Variants in GPC5 observed in about 807,000 individuals in gnomAD.
GPC5 encodes the protein glypican-5.
Under a neutral mutation model 53.9 loss-of-function variants are expected in GPC5, and 47 were observed. The ratio of observed to expected loss-of-function variants is 0.87; its 90% CI spans 0.69 to 1.11. The LOEUF (loss-of-function observed/expected upper bound fraction) is 1.11. GPC5 is among the 50% of genes most tolerant of loss of function. The probability of loss-of-function intolerance (pLI) is 0.00; values close to 1 mark genes in which losing one functional copy is unlikely to be tolerated. For missense variants in GPC5, 748 were observed against 713.1 expected, an observed-to-expected ratio of 1.05 and a Z score of -0.56; for synonymous variants, 286 against 263.3, an observed-to-expected ratio of 1.09 and a Z score of -0.84.
intron 7 of GPC5, chr13:92,447,212 C>G (rs1566594506): frequency 1.3e-5 from 2 of 152,036 alleles, no homozygotes; most frequent in Non-Finnish European, 1.5e-5. Context: ...TTTGCCTAGT[C>G]CAGTGTCCTG....
intron 1 of GPC5, among the ~76,000 whole-genome samples, chr13:91,448,277 A>G (rs1880939935): frequency 6.6e-6 from 1 of 152,228 alleles, no homozygotes; most frequent in African/African-American, 2.4e-5. Context: ...CCTACTTCAC[A>G]AGCAGCACGA....
intron 2 of GPC5, among the ~76,000 whole-genome samples, chr13:91,684,331 A>G (rs1464316947): frequency 6.6e-6 from 1 of 152,168 alleles, no homozygotes; most frequent in Non-Finnish European, 1.5e-5. Context: ...CTAATTGTAT[A>G]CTGATACATT....
At chr13:92,116,938 AGTT>A (rs1223512143) in intron 6 of GPC5, among the ~76,000 whole-genome samples, 54 of 152,190 alleles carry the variant, frequency 3.5e-4, no homozygotes, top group Admixed American at 3.4e-3. Context: ...TTCGGAATAC[AGTT>A]TCTTTATCAG....
intron 7 of GPC5, among the ~76,000 whole-genome samples, chr13:92,702,591 A>AT (rs769473117): frequency 1.3e-5 from 2 of 151,866 alleles, no homozygotes; most frequent in Non-Finnish European, 2.9e-5. Context: ...GTATCCAGTC[A>AT]TTTTTCATCA....
intron 7 of GPC5, among the ~76,000 whole-genome samples, chr13:92,199,621 G>A (rs1450717667): frequency 6.6e-6 from 1 of 152,060 alleles, no homozygotes; most frequent in Non-Finnish European, 1.5e-5. Flanking sequence ...CACTTTGTAT[G>A]TTTGGCTATT....
intron 7 of GPC5, among the ~76,000 whole-genome samples, chr13:92,829,817 C>A (rs1877988406): frequency 6.6e-6 from 1 of 151,964 alleles, no homozygotes; most frequent in Non-Finnish European, 1.5e-5. Context: ...CTTTTAAATA[C>A]AGAAAATATT....
chr13:92,721,533 C>G (rs1888507987), intron 7 of GPC5: 1 of 152,014 alleles, frequency 6.6e-6, no homozygotes, highest in Non-Finnish European at 1.5e-5. Context: ...TGAAAACTCA[C>G]CAGGATCCCT....
intron 6 of GPC5, among the ~76,000 whole-genome samples, chr13:91,920,779 T>C (rs2039703692): frequency 6.6e-6 from 1 of 152,098 alleles, no homozygotes; most frequent in African/African-American, 2.4e-5. Context: ...GCCTTCAAAT[T>C]ATGAGACAAC....
chr13:91,662,009 C>T (rs1340284759), intron 2 of GPC5, among the ~76,000 whole-genome samples: 1 of 152,092 alleles, frequency 6.6e-6, no homozygotes, highest in African/African-American at 2.4e-5. Flanking sequence ...AGAGTTCAGA[C>T]AAGAGATCTA....
chr13:91,886,414 A>G (rs529769553), intron 5 of GPC5, among the ~76,000 whole-genome samples: 47 of 152,288 alleles, frequency 3.1e-4, no homozygotes, highest in Non-Finnish European at 6.0e-4. Flanking sequence ...AAACCATATC[A>G]TTCTTCCCAT....
intron 7 of GPC5, among the ~76,000 whole-genome samples, chr13:92,331,171 T>G (rs1220636175): frequency 6.6e-6 from 1 of 152,180 alleles, no homozygotes; most frequent in Non-Finnish European, 1.5e-5. Context: ...AGTGAATAAT[T>G]TCTTCAATGA....
intron 3 of GPC5, among the ~76,000 whole-genome samples, chr13:91,705,562 G>A (rs1477978387): frequency 6.6e-6 from 1 of 152,146 alleles, no homozygotes; most frequent in Non-Finnish European, 1.5e-5. Flanking sequence ...CATCAGATCA[G>A]CAGTAGATGT....
rs1467299168 is a variant in GPC5 at position 92,713,476 on chromosome 13, C to T, written c.1562-152806C>T. On this transcript the variant is annotated intron_variant, in intron 7 of 7. Coordinates refer to ENST00000377067, the MANE Select transcript of GPC5 (RefSeq NM_004466.6). ...AAAAAAAATTAGCTGGGTGTGGTGG[C>T]GGGCACCTGTAGTCCCAGCTACTCA... 8.7e-5 allele frequency among the ~76,000 whole-genome samples: 13 copies of T among 149,568 alleles called. No homozygotes were observed. The East Asian group carries it at 9.9e-4, about 11-fold the overall frequency.
At chr13:92,185,059 AG>A (rs1419461511) in intron 7 of GPC5, among the ~76,000 whole-genome samples, 2 of 152,190 alleles carry the variant, frequency 1.3e-5, no homozygotes, top group Non-Finnish European at 2.9e-5. Flanking sequence ...GCAATAGGAC[AG>A]AATGAGCCCA....
At chr13:92,157,082 T>G (rs17299480) in intron 7 of GPC5, among the ~76,000 whole-genome samples, 6,698 of 152,256 alleles carry the variant, frequency 0.044, 281 homozygotes, top group African/African-American at 0.1. Flanking sequence ...TCAAAGTGAT[T>G]ATATTAATTC....
intron 7 of GPC5, among the ~76,000 whole-genome samples, chr13:92,290,449 A>C (rs553747869): frequency 1.3e-5 from 2 of 152,248 alleles, no homozygotes; most frequent in East Asian, 3.9e-4. Flanking sequence ...AACACTATGC[A>C]CTGCACCCTA....
At chr13:91,759,000 T>G (rs371028465) in intron 5 of GPC5, among the ~76,000 whole-genome samples, 1 of 152,190 alleles carries the variant, frequency 6.6e-6, no homozygotes, top group Middle Eastern at 3.4e-3. Flanking sequence ...CTACCACCTC[T>G]AAGGCTACTG....
At chr13:91,616,947 T>A (rs1048264652) in intron 2 of GPC5, among the ~76,000 whole-genome samples, 1 of 152,196 alleles carries the variant, frequency 6.6e-6, no homozygotes, top group Non-Finnish European at 1.5e-5. Flanking sequence ...GCACAAAACA[T>A]CTTTTGGGGG....
At chr13:91,691,448 T>C (rs1020724639) in intron 2 of GPC5, among the ~76,000 whole-genome samples, 2 of 152,196 alleles carry the variant, frequency 1.3e-5, no homozygotes, top group African/African-American at 4.8e-5. Flanking sequence ...CTAATCTCAA[T>C]TGAAGCCTTC....
Sources: gnomAD v4.1 joint callset for allele counts (sites outside exome capture counted in the v4.1 genomes callset) on GRCh38, gnomAD v4.1.1 for gene constraint, MANE v1.5 for transcripts, NCBI Gene and HGNC (gene_info 2026-07-23, HGNC 2026-07-21) for gene names.